The following RORA variants were observed in gnomAD, a reference collection of about 807,000 sequenced individuals.
The protein encoded by RORA is nuclear receptor ROR-alpha.
Under a neutral mutation model 69.5 loss-of-function variants are expected in RORA, and 7 were observed. The observed-to-expected ratio is 0.10, with a 90% CI of 0.06 to 0.19. RORA has a LOEUF of 0.19. Ranked by LOEUF, RORA falls within the 10% of genes least tolerant of loss-of-function variation. RORA has a pLI of 1.00. For missense variants in RORA, 457 were observed against 663.0 expected (o/e 0.69, Z 3.41); for synonymous variants, 261 against 240.8 (o/e 1.08, Z -0.78).
At chr15:60,527,404 A>G (rs2066395117) in intron 3 of RORA, among the ~76,000 whole-genome samples, 1 of 152,252 alleles carries the variant, frequency 6.6e-6, no homozygotes, top group African/African-American at 2.4e-5. Context: ...TCATATTTTT[A>G]TTCACTTTGA....
At chr15:61,101,652 C>T (rs537212894) in intron 1 of RORA, among the ~76,000 whole-genome samples, 1 of 151,996 alleles carries the variant, frequency 6.6e-6, no homozygotes, top group Non-Finnish European at 1.5e-5. Flanking sequence ...TGGTAAAGGG[C>T]TTTTAATTTT....
In RORA at chr15:60,836,154, G is replaced by A. The variant is rs539492589; in HGVS notation, c.167-157468C>T. On this transcript the variant is annotated intron_variant, in intron 1 of 10. Coordinates refer to ENST00000335670, the MANE Select transcript of RORA (RefSeq NM_134261.3). ...TTTAGCCGAAAGTCTAGTCTATGTG[G>A]TGTACCGTTAGTCAGCATGTGCTGG... Among the ~76,000 whole-genome samples, 4 of 152,284 alleles carry A rather than the reference G, an allele frequency of 2.6e-5. No homozygotes were observed. In the South Asian group the frequency reaches 6.2e-4, roughly 24 times the overall value.
intron 1 of RORA, among the ~76,000 whole-genome samples, chr15:60,692,561 G>A (rs1024766628): frequency 6.6e-6 from 1 of 152,200 alleles, no homozygotes; most frequent in African/African-American, 2.4e-5. Flanking sequence ...GCTAAAATAT[G>A]TAAAGATGAA....
intron 1 of RORA, among the ~76,000 whole-genome samples, chr15:61,068,756 T>G (rs2078299240): frequency 1.3e-5 from 2 of 152,328 alleles, no homozygotes; most frequent in South Asian, 4.1e-4. Context: ...CTTAGCTCAT[T>G]TAGCTCAAGA....
At chr15:60,844,057 A>G (rs2140406561) in intron 1 of RORA, among the ~76,000 whole-genome samples, 1 of 152,192 alleles carries the variant, frequency 6.6e-6, no homozygotes, top group African/African-American at 2.4e-5. Context: ...GCAAACCTGC[A>G]CTTGACTTTG....
chr15:60,799,647 A>G (rs1304351163), intron 1 of RORA, among the ~76,000 whole-genome samples: 4 of 152,196 alleles, frequency 2.6e-5, no homozygotes, highest in Non-Finnish European at 4.4e-5. Context: ...CCCACCACCA[A>G]GATACTAAGT....
chr15:61,187,567 A>G (rs114535415), intron 1 of RORA, among the ~76,000 whole-genome samples: 2,659 of 152,340 alleles, frequency 0.017, 73 homozygotes, highest in African/African-American at 0.059. Flanking sequence ...GCCTCTGCAT[A>G]ACAGCCTCTT....
chr15:60,813,033 A>T (rs972238003), intron 1 of RORA, among the ~76,000 whole-genome samples: 1 of 152,206 alleles, frequency 6.6e-6, no homozygotes, highest in African/African-American at 2.4e-5. Context: ...TTATTTCTTG[A>T]TTCCATCAGG....
intron 1 of RORA, among the ~76,000 whole-genome samples, 192 bp from the exon 2 acceptor site, chr15:60,678,878 C>T (rs1402624361): frequency 2.0e-5 from 3 of 152,140 alleles, no homozygotes; most frequent in South Asian, 2.1e-4. Flanking sequence ...GATGAGGCAG[C>T]GACCATCACC....
At chr15:60,892,087 A>T (rs868171778) in intron 1 of RORA, among the ~76,000 whole-genome samples, 1 of 152,352 alleles carries the variant, frequency 6.6e-6, no homozygotes, top group Middle Eastern at 3.4e-3. Flanking sequence ...TCCATTGGAA[A>T]GACTGCTGCA....
intron 1 of RORA, among the ~76,000 whole-genome samples, chr15:60,815,787 T>C (rs2072801641): frequency 6.6e-6 from 1 of 151,560 alleles, no homozygotes. Flanking sequence ...TGTTCCTCCA[T>C]TCTGATCTTT....
chr15:60,618,725 C>A (rs1448306080), intron 2 of RORA, among the ~76,000 whole-genome samples: 1 of 152,200 alleles, frequency 6.6e-6, no homozygotes, highest in Non-Finnish European at 1.5e-5. Flanking sequence ...AGTTTTACCT[C>A]TTAAAGATAA....
chr15:61,167,721 T>TA (rs1228524973), intron 1 of RORA, among the ~76,000 whole-genome samples: 1 of 152,208 alleles, frequency 6.6e-6, no homozygotes, highest in Non-Finnish European at 1.5e-5. Flanking sequence ...TTTAAGGTGT[T>TA]ACTTTTAATA....
intron 1 of RORA, among the ~76,000 whole-genome samples, chr15:60,831,892 A>G (rs543060842): frequency 6.6e-6 from 1 of 152,318 alleles, no homozygotes; most frequent in South Asian, 2.1e-4. Flanking sequence ...ACTCTCAGAT[A>G]TGCCTCCTAA....
chr15:60,834,332 T>A (rs1457672847), intron 1 of RORA, among the ~76,000 whole-genome samples: 1 of 152,106 alleles, frequency 6.6e-6, no homozygotes, highest in Non-Finnish European at 1.5e-5. Context: ...AAAGTCTAAG[T>A]CAATAATGCT....
chr15:60,662,558 A>G (rs1318597874), intron 2 of RORA, among the ~76,000 whole-genome samples: 5 of 152,168 alleles, frequency 3.3e-5, no homozygotes, highest in Admixed American at 6.5e-5. Flanking sequence ...GAAAAATAAA[A>G]CGTTATATGG....
intron 1 of RORA, among the ~76,000 whole-genome samples, chr15:61,177,936 T>C (rs2079645939): frequency 6.8e-6 from 1 of 147,230 alleles, no homozygotes; most frequent in Admixed American, 6.9e-5. Flanking sequence ...CACTCCACCC[T>C]GGGCAACAGA....
intron 1 of RORA, among the ~76,000 whole-genome samples, chr15:60,996,782 C>A (rs561263702): frequency 2.8e-4 from 43 of 151,964 alleles, no homozygotes; most frequent in African/African-American, 8.4e-4. Flanking sequence ...TGGTGGCAGG[C>A]GCCTGTAGTC....
intron 1 of RORA, among the ~76,000 whole-genome samples, chr15:60,915,528 G>A (rs138451972): frequency 2.6e-5 from 4 of 152,304 alleles, no homozygotes; most frequent in South Asian, 2.1e-4. Context: ...CCATGGTGGC[G>A]CGAATACTCT....
Sources: gnomAD v4.1 joint callset for allele counts (sites outside exome capture counted in the v4.1 genomes callset) on GRCh38, gnomAD v4.1.1 for gene constraint, MANE v1.5 for transcripts, NCBI Gene and HGNC (gene_info 2026-07-23, HGNC 2026-07-21) for gene names.